The following KRT8 variants were observed in gnomAD, a reference collection of about 807,000 sequenced individuals.
The protein encoded by KRT8 is keratin 8, also known as keratin, type II cytoskeletal 8.
Under a neutral mutation model 43.0 loss-of-function variants are expected in KRT8, and 24 were observed. The ratio of observed to expected loss-of-function variants is 0.56; its 90% CI spans 0.40 to 0.78. The LOEUF (loss-of-function observed/expected upper bound fraction) is 0.78. Ranked by LOEUF, KRT8 falls within the 30% of genes least tolerant of loss-of-function variation. KRT8 has a pLI of 0.00. For synonymous variants in KRT8, 214 were observed against 261.2 expected (o/e 0.82, Z 1.74); for missense variants, 492 against 638.4 (o/e 0.77, Z 2.47).
intron 2 of KRT8, chr12:52,949,441 C>G: frequency 6.6e-7 from 1 of 1,520,288 alleles, no homozygotes. Flanking sequence ...CCTGAACGAC[C>G]GCCTGGCCTC....
intron 2 of KRT8, among the ~76,000 whole-genome samples, chr12:52,918,212 A>AAGAAGAAGAAGAAGAAGAAGG (rs1941809897): frequency 7.5e-6 from 1 of 132,794 alleles, no homozygotes; most frequent in Admixed American, 7.4e-5. Context: ...GAACAAGAAG[A>AAGAAGAAGAAGAAGAAGAAGG]AGAAGAAGAA....
chr12:52,937,324 CTG>C lies in KRT8; in HGVS notation c.-47+12130_-47+12131del, dbSNP rs577021654. On this transcript the variant is annotated intron_variant, in intron 2 of 6. Coordinates refer to the KRT8 transcript ENST00000546826. ...AGGCAGAGGTTGCAGTGAGCTGAGA[CTG>C]TGCCACTGCACAATCCAGCCTGGGC... is the stretch of plus-strand genomic sequence containing the variant. 2.0e-5 allele frequency among the ~76,000 whole-genome samples: 3 copies of C among 151,276 alleles called. No individual in the cohort carries two copies. The South Asian group carries it at 6.3e-4, about 32-fold the overall frequency.
chr12:52,931,677 T>TATATATATATATATA, intron 2 of KRT8, among the ~76,000 whole-genome samples: 2 of 151,554 alleles, frequency 1.3e-5, no homozygotes, highest in African/African-American at 4.9e-5. Flanking sequence ...TATATATATA[T>TATATATATATATATA]TTGAGACGGA....
chr12:52,933,880 C>G (rs550795675), intron 2 of KRT8, among the ~76,000 whole-genome samples: 193 of 152,042 alleles, frequency 1.3e-3, no homozygotes, highest in African/African-American at 4.5e-3. Flanking sequence ...CCATCTCAGC[C>G]TCCCAAAGTG....
chr12:52,910,642 C>T (rs1221567098), upstream of KRT8, among the ~76,000 whole-genome samples: 2 of 152,202 alleles, frequency 1.3e-5, no homozygotes, highest in African/African-American at 2.4e-5. Context: ...TTCAAGGAAA[C>T]TTCAGAAGCT....
chr12:52,918,298 G>A (rs900644973), intron 2 of KRT8, among the ~76,000 whole-genome samples: 2 of 152,076 alleles, frequency 1.3e-5, no homozygotes, highest in African/African-American at 4.8e-5. Context: ...TTCATGAGGA[G>A]GGTTCAGGCA....
exon 1 of KRT8, chr12:52,905,004 G>C: frequency 6.3e-7 from 1 of 1,596,576 alleles, no homozygotes; most frequent in South Asian, 1.1e-5. Context: ...AGTGGAGGCA[G>C]GCGGGCCGAA....
chr12:52,899,899 T>C (rs144867521), exon 5 of KRT8: 3 of 1,612,974 alleles, frequency 1.9e-6, no homozygotes, highest in Admixed American at 1.7e-5. Flanking sequence ...CAGCTCCTCA[T>C]ACTTGATCTG....
At chr12:52,916,268 G>C (rs1353886569) in intron 2 of KRT8, among the ~76,000 whole-genome samples, 1 of 152,168 alleles carries the variant, frequency 6.6e-6, no homozygotes, top group Non-Finnish European at 1.5e-5. Context: ...CAGGAGACTA[G>C]AAAGGGGGCT....
upstream of KRT8, among the ~76,000 whole-genome samples, chr12:52,910,954 G>A (rs1443042583): frequency 6.6e-6 from 1 of 152,172 alleles, no homozygotes; most frequent in Admixed American, 6.5e-5. Flanking sequence ...TCAGGCAGTA[G>A]TCTAAAAAAT....
chr12:52,935,826 A>G (rs922884772), intron 2 of KRT8, among the ~76,000 whole-genome samples: 3 of 152,134 alleles, frequency 2.0e-5, no homozygotes, highest in African/African-American at 4.8e-5. Context: ...AATTTTATCA[A>G]AATTAAAACT....
At chr12:52,901,463 T>G in intron 2 of KRT8, 1 of 573,672 alleles carries the variant, frequency 1.7e-6, no homozygotes, top group East Asian at 3.1e-5. Context: ...ACCTTGAGAG[T>G]GTTAACAGCA....
At position 52,935,698 on chromosome 12, in the gene KRT8, C is replaced by T. The variant is rs1187627335; in HGVS notation, c.-47+13758G>A. Reference sequence around the variant, plus strand: ...TTGTTCTGTCACCCAGGCTGGAGTACAGTGGTGTGATCATAGCTCCATATA... The same window carrying T: ...TTGTTCTGTCACCCAGGCTGGAGTATAGTGGTGTGATCATAGCTCCATATA... On this transcript the variant is annotated intron_variant, in intron 2 of 6. Coordinates refer to the KRT8 transcript ENST00000546826. Among the ~76,000 whole-genome samples, 19 of 149,572 alleles carry T rather than the reference C, an allele frequency of 1.3e-4. No individual in the cohort carries two copies. The Admixed American group carries it at 1.3e-3, about 10-fold the overall frequency.
chr12:52,918,505 G>A (rs1396872130), intron 2 of KRT8, among the ~76,000 whole-genome samples: 1 of 152,192 alleles, frequency 6.6e-6, no homozygotes, highest in Admixed American at 6.5e-5. Context: ...ACGCCGCGCA[G>A]GTGCAGCTGC....
intron 2 of KRT8, among the ~76,000 whole-genome samples, chr12:52,928,418 G>A (rs1415460810): frequency 2.6e-5 from 4 of 152,110 alleles, no homozygotes; most frequent in African/African-American, 9.7e-5. Context: ...CCTTGGAGGT[G>A]GAGATGGCAC....
At chr12:52,908,872 G>A (rs1034367459), upstream of KRT8, among the ~76,000 whole-genome samples, 7 of 152,116 alleles carry the variant, frequency 4.6e-5, no homozygotes, top group African/African-American at 1.4e-4. Flanking sequence ...CAGGTATGGC[G>A]GCACACGCCT....
At chr12:52,901,193 G>C in exon 3 of KRT8, 1 of 1,611,878 alleles carries the variant, frequency 6.2e-7, no homozygotes, top group African/African-American at 1.3e-5. Flanking sequence ...CTCCATCTCT[G>C]TACGCTTATT....
intron 2 of KRT8, among the ~76,000 whole-genome samples, chr12:52,935,864 A>T (rs1240031417): frequency 6.6e-6 from 1 of 152,230 alleles, no homozygotes; most frequent in Non-Finnish European, 1.5e-5. Context: ...ATTGTTAAGA[A>T]AATACAAAGA....
chr12:52,911,212 C>A (rs1220259510), upstream of KRT8, among the ~76,000 whole-genome samples: 2 of 152,070 alleles, frequency 1.3e-5, no homozygotes, highest in Non-Finnish European at 2.9e-5. Context: ...ATTAGCCGGG[C>A]GTGGTAGTGG....
Sources: allele counts gnomAD v4.1 joint callset (sites outside exome capture counted in the v4.1 genomes callset), GRCh38; gene constraint gnomAD v4.1.1; transcripts MANE v1.5; gene names NCBI Gene and HGNC (gene_info 2026-07-23, HGNC 2026-07-21).